PCNX2: variants seen among roughly 807,000 people sequenced by gnomAD.
PCNX2 encodes pecanex 2, also known as pecanex-like protein 2.
Under a neutral mutation model 223.8 loss-of-function variants are expected in PCNX2, and 168 were observed. The ratio of observed to expected loss-of-function variants is 0.75; its 90% CI spans 0.66 to 0.85. PCNX2 has a LOEUF of 0.85. Among genes scored for constraint, PCNX2 ranks in the 40% least tolerant of loss-of-function variants. The pLI is 0.00. For synonymous variants in PCNX2, 1,006 were observed against 1,052.6 expected (o/e 0.96, Z 0.86); for missense variants, 2,507 against 2,675.5 (o/e 0.94, Z 1.39).
chr1:233,267,740 G>C (rs1248713550), intron 1 of PCNX2, among the ~76,000 whole-genome samples: 1 of 152,106 alleles, frequency 6.6e-6, no homozygotes, highest in Non-Finnish European at 1.5e-5. Context: ...TGTATGGCTA[G>C]AACACATTTT....
intron 25 of PCNX2, among the ~76,000 whole-genome samples, chr1:233,026,527 G>A (rs1671087654): frequency 6.6e-6 from 1 of 152,152 alleles, no homozygotes; most frequent in African/African-American, 2.4e-5. Context: ...TGGGAGCCAG[G>A]GCATCACTTG....
At chr1:233,016,704 G>A (rs1572014062) in intron 27 of PCNX2, 1 of 900,526 alleles carries the variant, frequency 1.1e-6, no homozygotes, top group Non-Finnish European at 1.3e-6. Flanking sequence ...CTGCATAAAG[G>A]GATCTATATC....
At chr1:233,232,805 A>G in intron 9 of PCNX2, 5 of 985,356 alleles carry the variant, frequency 5.1e-6, no homozygotes, top group Non-Finnish European at 6.0e-6. Context: ...TTATCTTTGC[A>G]ATTCTCACCA....
intron 19 of PCNX2, among the ~76,000 whole-genome samples, chr1:233,141,888 A>AGTC (rs1384920342): frequency 1.3e-5 from 2 of 152,068 alleles, no homozygotes; most frequent in Non-Finnish European, 2.9e-5. Flanking sequence ...ACAGCGTGAA[A>AGTC]GTCCTTCAAG....
intron 1 of PCNX2, among the ~76,000 whole-genome samples, chr1:233,292,306 A>C (rs193113027): frequency 3.4e-5 from 5 of 147,812 alleles, no homozygotes; most frequent in Non-Finnish European, 5.9e-5. Flanking sequence ...TCCAGGATTC[A>C]AGCGATTCTC....
rs543211679 is a variant in PCNX2 at position 233,127,031 on chromosome 1, C to T, written c.3837+7982G>A. Among the ~76,000 whole-genome samples the T allele has an allele frequency of 2.3e-4, 35 of 152,252 alleles. No individual in the cohort carries two copies. In the South Asian group the frequency reaches 6.8e-3, roughly 30 times the overall value. ...CTTCTTCCCCTCACTTCTGCCACCT[C>T]GGTTCAAGTCCTCATGAGTTGCTTG... On this transcript the variant is annotated intron_variant, in intron 21 of 33. Transcript: ENST00000258229.
At chr1:233,130,434 C>T (rs943654475) in intron 21 of PCNX2, among the ~76,000 whole-genome samples, 2 of 150,820 alleles carry the variant, frequency 1.3e-5, no homozygotes, top group African/African-American at 4.9e-5. Context: ...GGGTTCCAGC[C>T]TTGGAACTCA....
chr1:233,185,800 A>G (rs1680064328), intron 15 of PCNX2, among the ~76,000 whole-genome samples: 1 of 152,246 alleles, frequency 6.6e-6, no homozygotes, highest in South Asian at 2.1e-4. Flanking sequence ...GTTTGCTTCA[A>G]AATTAACATC....
Position 233,295,245 on chromosome 1 carries a change from G to C in PCNX2, c.153+81C>G. On this transcript the variant is annotated intron_variant, in intron 1 of 33. Coordinates refer to ENST00000258229, the MANE Select transcript of PCNX2 (RefSeq NM_014801.4). This position sits in a 1 kb window ranked among gnomAD's most constrained non-coding sequence, Gnocchi z 4.1. ...TCTCTACGAACCCGAAAGCCCGTGA[G>C]GCTGATGGCACGTCTGTGGTTCCTT... The C allele has an allele frequency of 6.5e-7, 1 of 1,538,296 alleles. No homozygotes were observed.
At chr1:233,274,101 C>T (rs970375495) in intron 1 of PCNX2, among the ~76,000 whole-genome samples, 4 of 152,166 alleles carry the variant, frequency 2.6e-5, no homozygotes, top group Non-Finnish European at 5.9e-5. Context: ...GGAGTTGTTG[C>T]TCCCAATTTA....
intron 3 of PCNX2, 114 bp from the exon 4 acceptor site, chr1:233,261,435 A>G: frequency 2.2e-6 from 2 of 902,260 alleles, no homozygotes; most frequent in South Asian, 2.8e-5. Flanking sequence ...TGTAGGGGAG[A>G]GACAATACAG....
rs1004871661 is a variant in PCNX2 at position 232,986,549 on chromosome 1, G to A, written c.5792-9C>T. Reference sequence around the variant, plus strand: ...CCTGCCTTTCCTCCTGCCTTTAAAAGAAAGCAGAACACAGAGTTGTAGCGG... The same window carrying A: ...CCTGCCTTTCCTCCTGCCTTTAAAAAAAAGCAGAACACAGAGTTGTAGCGG... On this transcript the variant is annotated splice_polypyrimidine_tract_variant and intron_variant, in intron 32 of 33. Transcript: ENST00000258229. 1.3e-6 allele frequency: 2 copies of A among 1,509,892 alleles called. No individual in the cohort carries two copies. Among genetic ancestry groups the A allele is most frequent in the East Asian group, 2.3e-5 (1 of 43,350 alleles). The allele number at this position is 1,509,892 out of a possible 1,614,324, so 93.5% of individuals were successfully genotyped here.
the PCNX2 span, among the ~76,000 whole-genome samples, chr1:233,325,315 G>A: frequency 5.3e-5 from 8 of 152,090 alleles, no homozygotes; most frequent in Admixed American, 5.2e-4. Context: ...GACTTCAGAG[G>A]AGAAAGGAAC....
intron 8 of PCNX2, among the ~76,000 whole-genome samples, chr1:233,246,508 C>T (rs1447400991): frequency 6.6e-6 from 1 of 152,200 alleles, no homozygotes; most frequent in Non-Finnish European, 1.5e-5. Context: ...TAAAACAGAG[C>T]TAGTGTCACC....
chr1:233,283,535 A>C (rs1462273873), intron 1 of PCNX2, among the ~76,000 whole-genome samples: 1 of 152,152 alleles, frequency 6.6e-6, no homozygotes, highest in Non-Finnish European at 1.5e-5. Flanking sequence ...ATATCCAAGA[A>C]AACTCATGGA....
chr1:233,175,871 G>A (rs1429767881), intron 17 of PCNX2, among the ~76,000 whole-genome samples: 10 of 152,088 alleles, frequency 6.6e-5, no homozygotes, highest in South Asian at 2.1e-4. Context: ...TTTGAATTCT[G>A]ACCACACTCA....
chr1:233,273,646 T>C (rs1384466860), intron 1 of PCNX2, among the ~76,000 whole-genome samples: 1 of 147,548 alleles, frequency 6.8e-6, no homozygotes, highest in Non-Finnish European at 1.5e-5. Context: ...TTTTTTTTGA[T>C]AGAATCTTAC....
At chr1:233,257,967 T>C in intron 5 of PCNX2, 61 bp downstream of exon 5, 5 of 1,531,422 alleles carry the variant, frequency 3.3e-6, no homozygotes, top group African/African-American at 1.4e-5. Context: ...ACAAGGCAAA[T>C]GGCAAAAAGG....
chr1:233,130,463 TTTTGTGTGTGTG>T (rs1474600943), intron 21 of PCNX2, among the ~76,000 whole-genome samples: 9 of 86,162 alleles, frequency 1.0e-4, no homozygotes, highest in African/African-American at 3.5e-4. Context: ...GCCCCCCAAC[TTTTGTGTGTGTG>T]TGTGTGTGTG....
Sources: allele counts gnomAD v4.1 joint callset (sites outside exome capture counted in the v4.1 genomes callset), GRCh38; gene constraint gnomAD v4.1.1; non-coding constraint Gnocchi (gnomAD v3.1); transcripts MANE v1.5; gene names NCBI Gene and HGNC (gene_info 2026-07-23, HGNC 2026-07-21).